NCK2: variants seen among roughly 807,000 people sequenced by gnomAD.
The protein encoded by NCK2 is NCK adaptor protein 2.
NCK2 carries 16 observed loss-of-function variants against 33.9 expected under a neutral mutation model. The ratio of observed to expected loss-of-function variants is 0.47; its 90% CI spans 0.32 to 0.72. The LOEUF (loss-of-function observed/expected upper bound fraction) is 0.72. Among genes scored for constraint, NCK2 ranks in the 30% least tolerant of loss-of-function variants. NCK2 has a pLI of 0.03. For synonymous variants in NCK2, 273 were observed against 239.9 expected (o/e 1.14, Z -1.27); for missense variants, 418 against 537.3 (o/e 0.78, Z 2.19).
intron 1 of NCK2, among the ~76,000 whole-genome samples, chr2:105,806,522 G>A (rs1675051093): frequency 6.6e-6 from 1 of 152,220 alleles, no homozygotes; most frequent in Non-Finnish European, 1.5e-5. Context: ...ACAGGCGTGA[G>A]CCACCACTCC....
chr2:105,759,613 T>C (rs937802797), intron 1 of NCK2, among the ~76,000 whole-genome samples: 1 of 152,240 alleles, frequency 6.6e-6, no homozygotes, highest in African/African-American at 2.4e-5. Context: ...CTTACGTTAC[T>C]ATAGTACATT....
intron 2 of NCK2, among the ~76,000 whole-genome samples, chr2:105,822,442 C>T (rs368662562): frequency 4.6e-5 from 7 of 152,122 alleles, no homozygotes; most frequent in African/African-American, 1.7e-4. Context: ...ATTTAACAGC[C>T]ACTTCCTGTG....
At chr2:105,798,906 G>C (rs1691175540) in intron 1 of NCK2, among the ~76,000 whole-genome samples, 2 of 152,168 alleles carry the variant, frequency 1.3e-5, no homozygotes, top group Non-Finnish European at 2.9e-5. Flanking sequence ...GTTATACCAG[G>C]TTGTTGTCAT....
chr2:105,770,389 T>G (rs1306288650), intron 1 of NCK2, among the ~76,000 whole-genome samples: 2 of 152,236 alleles, frequency 1.3e-5, no homozygotes, highest in African/African-American at 4.8e-5. Context: ...TGCATCTGGC[T>G]TTGATCTTTT....
chr2:105,803,211 C>T (rs1573610614), intron 1 of NCK2, among the ~76,000 whole-genome samples: 4 of 152,194 alleles, frequency 2.6e-5, no homozygotes, highest in Non-Finnish European at 5.9e-5. Flanking sequence ...CTGCTTGTCT[C>T]CATCAAATTT....
chr2:105,858,351 G>A (rs1182516282), intron 3 of NCK2, among the ~76,000 whole-genome samples: 1 of 152,044 alleles, frequency 6.6e-6, no homozygotes, highest in Non-Finnish European at 1.5e-5. Flanking sequence ...ATTGACCTCA[G>A]GTGATCCTCC....
At chr2:105,837,625 G>A (rs1676482435) in intron 2 of NCK2, among the ~76,000 whole-genome samples, 1 of 152,166 alleles carries the variant, frequency 6.6e-6, no homozygotes, top group Non-Finnish European at 1.5e-5. Context: ...AAGTAGAAGT[G>A]GAGCTGCTGC....
chr2:105,770,684 G>A (rs1367405), intron 1 of NCK2, among the ~76,000 whole-genome samples: 71,849 of 151,922 alleles, frequency 0.47, 18,025 homozygotes, highest in African/African-American at 0.64. Context: ...CCTAGGATAT[G>A]GATATCGATA....
At chr2:105,758,000 G>A (rs575335731) in intron 1 of NCK2, among the ~76,000 whole-genome samples, 33 of 152,226 alleles carry the variant, frequency 2.2e-4, no homozygotes, top group African/African-American at 6.7e-4. Flanking sequence ...TTATTCCAGG[G>A]CCTGGATGAA....
chr2:105,744,689 G>A (rs569954368), upstream of NCK2, among the ~76,000 whole-genome samples: 843 of 151,716 alleles, frequency 5.6e-3, 7 homozygotes, highest in African/African-American at 0.019. Flanking sequence ...CGCCCGTACC[G>A]GGACCCGGGC....
intron 2 of NCK2, among the ~76,000 whole-genome samples, chr2:105,843,087 G>A (rs1319984751): frequency 2.6e-5 from 4 of 152,160 alleles, no homozygotes; most frequent in African/African-American, 9.7e-5. Flanking sequence ...TGGGATCAGA[G>A]TGTTAGGGCA....
chr2:105,837,454 G>GT (rs1179575031), intron 2 of NCK2, among the ~76,000 whole-genome samples: 1 of 151,994 alleles, frequency 6.6e-6, no homozygotes, highest in Non-Finnish European at 1.5e-5. Context: ...TGATTTCTTG[G>GT]TTTTCACTTT....
chr2:105,841,272 C>G (rs1676634104), intron 2 of NCK2, among the ~76,000 whole-genome samples: 1 of 151,950 alleles, frequency 6.6e-6, no homozygotes, highest in African/African-American at 2.4e-5. Context: ...ACTTGAAAAC[C>G]TCTTTGGAAA....
chr2:105,763,160 C>T lies in NCK2; in HGVS notation c.-201+18022C>T, dbSNP rs193255642. 5.0e-4 allele frequency among the ~76,000 whole-genome samples: 76 copies of T among 152,194 alleles called. No homozygotes were observed. The East Asian group carries it at 0.011, about 22-fold the overall frequency. ...TTGCAGTGAGCCGAGATCATGCCAC[C>T]GCACTCCAGCCTGGGCGACAGAACG... On this transcript the variant is annotated intron_variant, in intron 1 of 4. Transcript: ENST00000233154.
At chr2:105,874,792 G>A (rs960028533) in intron 3 of NCK2, among the ~76,000 whole-genome samples, 2 of 152,180 alleles carry the variant, frequency 1.3e-5, no homozygotes, top group African/African-American at 4.8e-5. Flanking sequence ...AATAATGTAT[G>A]ACATATTCAG....
At position 105,823,132 on chromosome 2, in the gene NCK2, C is replaced by CTGTGTGTGTG. The variant is rs10610689; in HGVS notation, c.-17+6551_-17+6560dup. Among the ~76,000 whole-genome samples, 349 of 148,618 alleles carry CTGTGTGTGTG rather than the reference C, an allele frequency of 2.3e-3. 3 individuals carry two copies. The East Asian group carries it at 0.024, about 10-fold the overall frequency. ...CAGAAAAACAAAAAGTCCTCTCATG[C>CTGTGTGTGTG]TGTGTGTGTGTGTGTGTGTGTGTGT... On this transcript the variant is annotated intron_variant, in intron 2 of 4. Transcript: ENST00000233154.
rs142022688 is a variant in NCK2 at position 105,829,584 on chromosome 2, T to C, written c.-17+12971T>C. Among the ~76,000 whole-genome samples the C allele has an allele frequency of 6.7e-3, 1,024 of 152,290 alleles. 4 individuals are homozygous for C. Among genetic ancestry groups the C allele is most frequent in the Admixed American group, 0.014 (211 of 15,296 alleles). ...TCCTTGTTTTGTTGACCTTGACAGT[T>C]TTGAGGAGTCGGGTATTTTTTACAA... On this transcript the variant is annotated intron_variant, in intron 2 of 4. Transcript: ENST00000233154.
chr2:105,758,417 T>TTG (rs1462412860), intron 1 of NCK2, among the ~76,000 whole-genome samples: 54 of 150,392 alleles, frequency 3.6e-4, no homozygotes, highest in Non-Finnish European at 6.2e-4. Context: ...GTTTTTGTTT[T>TTG]TTTTTTTTTT....
chr2:105,765,926 A>G (rs1332114015), intron 1 of NCK2, among the ~76,000 whole-genome samples: 3 of 151,998 alleles, frequency 2.0e-5, no homozygotes, highest in African/African-American at 7.3e-5. Flanking sequence ...CCACAGAGAC[A>G]ATAAATATGT....
Sources: gnomAD v4.1 joint callset for allele counts (sites outside exome capture counted in the v4.1 genomes callset) on GRCh38, gnomAD v4.1.1 for gene constraint, MANE v1.5 for transcripts, NCBI Gene and HGNC (gene_info 2026-07-23, HGNC 2026-07-21) for gene names.